Variants in GPLD1 observed in about 807,000 individuals in gnomAD.
The protein encoded by GPLD1 is glycosylphosphatidylinositol specific phospholipase D1.
Under a neutral mutation model 112.6 loss-of-function variants are expected in GPLD1, and 84 were observed. The ratio of observed to expected loss-of-function variants is 0.75; its 90% CI spans 0.63 to 0.89. The LOEUF is 0.89. Among genes scored for constraint, GPLD1 ranks in the 40% least tolerant of loss-of-function variants. The probability of loss-of-function intolerance (pLI) is 0.00; values close to 1 mark genes in which losing one functional copy is unlikely to be tolerated. For missense variants in GPLD1, 1,044 were observed against 1,051.5 expected (o/e 0.99, Z 0.10); for synonymous variants, 386 against 403.8 (o/e 0.96, Z 0.53).
chr6:24,454,658 G>C (rs369263179), intron 13 of GPLD1, among the ~76,000 whole-genome samples: 23 of 152,216 alleles, frequency 1.5e-4, no homozygotes, highest in African/African-American at 5.1e-4. Flanking sequence ...CAGCCACAAA[G>C]GCACCTGGCA....
intron 20 of GPLD1, among the ~76,000 whole-genome samples, chr6:24,443,980 A>C (rs1349386077): frequency 6.6e-6 from 1 of 152,132 alleles, no homozygotes; most frequent in Non-Finnish European, 1.5e-5. Flanking sequence ...CGCCTGTCTG[A>C]CCCACTTCTG....
intron 14 of GPLD1, among the ~76,000 whole-genome samples, chr6:24,452,307 G>C (rs1054087042): frequency 6.6e-6 from 1 of 152,160 alleles, no homozygotes; most frequent in Non-Finnish European, 1.5e-5. Context: ...AACAAGATTA[G>C]ATAAATTTAT....
chr6:24,481,300 G>A (rs1764193672), intron 2 of GPLD1, among the ~76,000 whole-genome samples: 1 of 150,754 alleles, frequency 6.6e-6, no homozygotes, highest in Non-Finnish European at 1.5e-5. Flanking sequence ...AATGAACTCT[G>A]ATGGACACAC....
At chr6:24,444,956 C>T (rs1444079483) in intron 20 of GPLD1, among the ~76,000 whole-genome samples, 1 of 137,074 alleles carries the variant, frequency 7.3e-6, no homozygotes, top group African/African-American at 2.4e-5. Flanking sequence ...TTTAAAAATA[C>T]ACTAAGTTAC....
At chr6:24,457,243 G>T (rs1763297415) in intron 12 of GPLD1, among the ~76,000 whole-genome samples, 1 of 152,172 alleles carries the variant, frequency 6.6e-6, no homozygotes, top group African/African-American at 2.4e-5. Flanking sequence ...ACTTTAGGAG[G>T]CTGAGACAGG....
At chr6:24,471,910 A>T (rs915797500) in intron 7 of GPLD1, among the ~76,000 whole-genome samples, 17 of 152,192 alleles carry the variant, frequency 1.1e-4, no homozygotes, top group African/African-American at 4.1e-4. Flanking sequence ...TAAATAAGAC[A>T]TCAGAAGTAC....
intron 6 of GPLD1, 119 bp from the exon 7 acceptor site, chr6:24,472,755 T>C: frequency 1.5e-6 from 1 of 680,446 alleles, no homozygotes; most frequent in East Asian, 2.7e-5. Context: ...CATGTTTTTG[T>C]TCATTGTTTT....
chr6:24,465,502 TG>T (rs1226344613), intron 10 of GPLD1, among the ~76,000 whole-genome samples: 2 of 151,986 alleles, frequency 1.3e-5, no homozygotes, highest in Non-Finnish European at 2.9e-5. Flanking sequence ...ATAATGCCAC[TG>T]CCCTCCAGCC....
rs560998878 is a variant in GPLD1, at chr6:24,445,383, G to A, written c.2020+163C>T. ...GATGGTGATACAAAAGTTCTGAGAGGTTAAGTAACTTCCCCAAAGTTACAC... is the reference window on the plus strand; with the variant it reads ...GATGGTGATACAAAAGTTCTGAGAGATTAAGTAACTTCCCCAAAGTTACAC... On this transcript the variant is annotated intron_variant, in intron 20 of 24. Transcript: ENST00000230036. Among the ~76,000 whole-genome samples the A allele has an allele frequency of 1.4e-3, 215 of 152,148 alleles. 1 individual carries two copies. Among genetic ancestry groups the A allele is most frequent in the Non-Finnish European group, 2.1e-3 (142 of 68,002 alleles).
At chr6:24,467,047 G>T in intron 8 of GPLD1, 108 bp from the exon 9 acceptor site, 1 of 1,111,098 alleles carries the variant, frequency 9.0e-7, no homozygotes, top group Non-Finnish European at 1.4e-6. Context: ...TCATGCAACT[G>T]CCTTTGAATA....
At chr6:24,448,410 T>C (rs1398684046) in intron 15 of GPLD1, among the ~76,000 whole-genome samples, 3 of 141,974 alleles carry the variant, frequency 2.1e-5, no homozygotes, top group Non-Finnish European at 4.7e-5. Context: ...TGAGATCCTG[T>C]GTCCACGAAA....
rs1762321831 is a variant in GPLD1, at chr6:24,429,009, AGT to A, written c.*21_*22del. On this transcript the variant is annotated 3_prime_UTR_variant, in exon 25 of 25. Coordinates refer to ENST00000230036, the MANE Select transcript of GPLD1 (RefSeq NM_001503.4). ...GATTCAGCATGAGAGAGGTGGGCAG[AGT>A]GGGGAAATGCAGTGAAATCTTCAAT... The A allele has an allele frequency of 2.6e-6, 4 of 1,513,614 alleles. No individual in the cohort carries two copies. The highest frequency in any genetic ancestry group is 1.4e-5 in the African/African-American group (1 of 72,828). 93.8% of individuals were successfully genotyped at this position (1,513,614 alleles called of 1,614,324 possible).
intron 6 of GPLD1, chr6:24,473,078 CTTTT>C (rs71674147): frequency 1.4e-4 from 18 of 129,020 alleles, no homozygotes; most frequent in Middle Eastern, 4.0e-3. Context: ...GCCAGGCCGC[CTTTT>C]TTTTTTTTTT....
chr6:24,472,526 G>A, intron 7 of GPLD1, 56 bp downstream of exon 7: 5 of 975,176 alleles, frequency 5.1e-6, no homozygotes, highest in Admixed American at 1.9e-5. Context: ...AAGAAAAAAA[G>A]TCAAGGCTCT....
At chr6:24,444,959 TAA>T (rs3033078) in intron 20 of GPLD1, among the ~76,000 whole-genome samples, 41,483 of 152,008 alleles carry the variant, frequency 0.27, 6,956 homozygotes, top group Middle Eastern at 0.41. Context: ...AAAAATACAC[TAA>T]GTTACTTTCA....
Position 24,445,564 on chromosome 6 carries a change from C to T in GPLD1, c.2002G>A (p.Val668Ile). 1 of 1,613,588 alleles carries T rather than the reference C, an allele frequency of 6.2e-7. No homozygotes were observed. Among genetic ancestry groups the T allele is most frequent in the Non-Finnish European group, 8.5e-7 (1 of 1,179,494 alleles). The change falls in exon 20 of 25, where the codon GTT (valine) becomes ATT (isoleucine). Residue 668 changes from valine (V) to isoleucine (I), a missense_variant. By Grantham distance (29) the Val-to-Ile change is conservative. Coordinates refer to ENST00000230036, the MANE Select transcript of GPLD1 (RefSeq NM_001503.4). The stretch of plus-strand genomic sequence containing the variant: ...GACCTACCGTACGTAGGGGCTCCAA[C>T]CAGCAGCACTTGTTTCAGAGTCCCA... ...MNGTLKQVLL[V>I]GAPTYDDVSK...
chr6:24,446,163 T>C (rs1300743170), intron 18 of GPLD1, among the ~76,000 whole-genome samples: 2 of 152,012 alleles, frequency 1.3e-5, no homozygotes, highest in African/African-American at 4.8e-5. Context: ...TCTCTGAATG[T>C]GACTACTTGA....
intron 10 of GPLD1, among the ~76,000 whole-genome samples, chr6:24,466,258 A>G (rs1278671779): frequency 6.6e-6 from 1 of 152,132 alleles, no homozygotes; most frequent in Non-Finnish European, 1.5e-5. Context: ...GAGGCACGAG[A>G]CTCCCTTGAA....
intron 20 of GPLD1, among the ~76,000 whole-genome samples, chr6:24,440,332 A>C (rs1239040325): frequency 6.6e-6 from 1 of 152,004 alleles, no homozygotes; most frequent in Non-Finnish European, 1.5e-5. Context: ...AGTCTGACCT[A>C]CTCAAGAGGC....
Sources: allele counts gnomAD v4.1 joint callset (sites outside exome capture counted in the v4.1 genomes callset), GRCh38; gene constraint gnomAD v4.1.1; transcripts MANE v1.5; gene names NCBI Gene and HGNC (gene_info 2026-07-23, HGNC 2026-07-21).